UGT1A8: variants seen among roughly 807,000 people sequenced by gnomAD.
UGT1A8 encodes UDP glucuronosyltransferase family 1 member A8, also known as UDP-glucuronosyltransferase 1A8.
Under a neutral mutation model 45.3 loss-of-function variants are expected in UGT1A8, and 39 were observed. That is an observed-to-expected ratio of 0.86 (90% CI 0.67 to 1.12). The LOEUF (loss-of-function observed/expected upper bound fraction) is 1.12, where lower values mean the gene tolerates loss of function less well. Among genes scored for constraint, UGT1A8 ranks in the 50% most tolerant of loss-of-function variants. UGT1A8 has a pLI of 0.00. For missense variants in UGT1A8, 719 were observed against 664.9 expected, an observed-to-expected ratio of 1.08 and a Z score of -0.90; for synonymous variants, 275 against 249.2, an observed-to-expected ratio of 1.10 and a Z score of -0.97.
At chr2:233,679,959 CT>C (rs1218699615) in intron 1 of UGT1A8, among the ~76,000 whole-genome samples, 5 of 152,292 alleles carry the variant, frequency 3.3e-5, no homozygotes, top group African/African-American at 9.6e-5. Context: ...TTGGCTCCTG[CT>C]GGCATAGCTG....
chr2:233,772,289 C>T lies in UGT1A8; in HGVS notation c.1323C>T (p.Ser441=). Residue 441 remains serine (S), a synonymous_variant, in exon 5 of 5, where the codon TCC becomes TCT. Coordinates refer to ENST00000373450, the MANE Select transcript of UGT1A8 (RefSeq NM_019076.5). ...ACAAGGAGAACATCATGCGCCTCTC[C>T]AGCCTTCACAAGGACCGCCCGGTGG... is the stretch of plus-strand genomic sequence containing the variant. The part of the protein sequence containing the change: ...KSYKENIMRL[S]SLHKDRPVEP... The T allele has an allele frequency of 6.2e-7, 1 of 1,614,242 alleles. No homozygotes were observed. The highest frequency in any genetic ancestry group is 8.5e-7 in the Non-Finnish European group (1 of 1,180,054).
chr2:233,727,891 C>T (rs1001940161), intron 1 of UGT1A8, among the ~76,000 whole-genome samples: 27 of 152,186 alleles, frequency 1.8e-4, no homozygotes, highest in East Asian at 1.7e-3. Flanking sequence ...ATGGCAGACA[C>T]GGCCAGGCAA....
At chr2:233,759,130 A>T (rs1697062304) in intron 1 of UGT1A8, among the ~76,000 whole-genome samples, 1 of 152,244 alleles carries the variant, frequency 6.6e-6, no homozygotes, top group Non-Finnish European at 1.5e-5. Flanking sequence ...AGCCTCTGGT[A>T]CGCAATGAAG....
intron 1 of UGT1A8, among the ~76,000 whole-genome samples, chr2:233,622,639 T>C (rs1396004335): frequency 6.6e-6 from 1 of 152,198 alleles, no homozygotes; most frequent in Non-Finnish European, 1.5e-5. Context: ...CTTTGTCAGG[T>C]GGATAGATTG....
intron 1 of UGT1A8, among the ~76,000 whole-genome samples, chr2:233,696,067 T>A (rs1181513813): frequency 6.6e-6 from 1 of 152,174 alleles, no homozygotes; most frequent in Non-Finnish European, 1.5e-5. Flanking sequence ...GTACAGCCAC[T>A]ATGAAGAACA....
chr2:233,642,323 C>T lies in UGT1A8; in HGVS notation c.855+23761C>T, dbSNP rs543820800. ...GACTTTGATGCATTCTTCATTATGC[C>T]GATTGCATTTTTCAGCTCCAGAATT... On this transcript the variant is annotated intron_variant, in intron 1 of 4. Coordinates refer to ENST00000373450, the MANE Select transcript of UGT1A8 (RefSeq NM_019076.5). Among the ~76,000 whole-genome samples, 32 of 152,176 alleles carry T rather than the reference C, an allele frequency of 2.1e-4. No individual in the cohort carries two copies. The South Asian group carries it at 3.1e-3, about 15-fold the overall frequency.
intron 1 of UGT1A8, chr2:233,761,057 G>A: frequency 6.2e-7 from 1 of 1,614,206 alleles, no homozygotes. Flanking sequence ...TGGCTGTTTA[G>A]AAGTGACTTT....
chr2:233,703,922 A>G (rs2125594260), intron 1 of UGT1A8, among the ~76,000 whole-genome samples: 1 of 151,456 alleles, frequency 6.6e-6, no homozygotes, highest in East Asian at 1.9e-4. Flanking sequence ...ACAAAATCTC[A>G]TTCTGTTACC....
intron 1 of UGT1A8, chr2:233,755,429 C>T (rs1352884628): frequency 3.1e-6 from 1 of 319,032 alleles, no homozygotes; most frequent in Non-Finnish European, 6.1e-6. Flanking sequence ...CGCCTCGCAT[C>T]CCAAGATGCA....
At chr2:233,717,046 C>T (rs1379018729) in intron 1 of UGT1A8, among the ~76,000 whole-genome samples, 1 of 152,138 alleles carries the variant, frequency 6.6e-6, no homozygotes, top group African/African-American at 2.4e-5. Flanking sequence ...CATGGGCCTC[C>T]GCAGGGTCTA....
Position 233,768,343 on chromosome 2 carries a change from G to T in UGT1A8, c.1199G>T (p.Arg400Leu), listed in dbSNP as rs140613392. 1.2e-6 allele frequency: 2 copies of T among 1,614,170 alleles called. No homozygotes were observed. The highest frequency in any genetic ancestry group is 1.7e-6 in the Non-Finnish European group (2 of 1,180,042). ...LFGDQMDNAK[R>L]METKGAGVTL... is the part of the protein sequence containing the mutation. ...GGTGATCAGATGGACAATGCAAAGC[G>T]CATGGAGACTAAGGGAGCTGGAGTG... The change falls in exon 4 of 5, where the codon CGC becomes CTC. Residue 400 changes from arginine to leucine, a missense_variant. Coordinates refer to ENST00000373450, the MANE Select transcript of UGT1A8 (RefSeq NM_019076.5).
intron 1 of UGT1A8, among the ~76,000 whole-genome samples, chr2:233,734,247 T>A (rs1242167028): frequency 6.6e-6 from 1 of 152,226 alleles, no homozygotes; most frequent in Non-Finnish European, 1.5e-5. Flanking sequence ...CCTGCTTTAG[T>A]CTTGGGAGGG....
At chr2:233,655,361 C>A (rs1224652646) in intron 1 of UGT1A8, among the ~76,000 whole-genome samples, 1 of 152,144 alleles carries the variant, frequency 6.6e-6, no homozygotes. Context: ...AGTCTCACGT[C>A]CTGGGAGACT....
intron 1 of UGT1A8, chr2:233,693,337 G>T: frequency 6.2e-7 from 1 of 1,614,218 alleles, no homozygotes; most frequent in Non-Finnish European, 8.5e-7. Context: ...CTCAGACAGA[G>T]TACAGGAATA....
chr2:233,742,383 G>T (rs1224558474), intron 1 of UGT1A8, among the ~76,000 whole-genome samples: 1 of 151,994 alleles, frequency 6.6e-6, no homozygotes, highest in African/African-American at 2.4e-5. Flanking sequence ...AGGCACAGAT[G>T]GCTCATGTTA....
At chr2:233,713,098 C>T (rs2076277745) in intron 1 of UGT1A8, 2 of 1,614,198 alleles carry the variant, frequency 1.2e-6, no homozygotes, top group Non-Finnish European at 8.5e-7. Context: ...GTGGTGCCCA[C>T]TGATGGCAGC....
chr2:233,763,371 A>G (rs1027317735), intron 1 of UGT1A8, among the ~76,000 whole-genome samples: 3 of 152,180 alleles, frequency 2.0e-5, no homozygotes, highest in African/African-American at 7.2e-5. Flanking sequence ...TTTGTCTTCA[A>G]GCTTTCTTCC....
intron 1 of UGT1A8, among the ~76,000 whole-genome samples, chr2:233,630,509 G>A (rs2073168058): frequency 6.6e-6 from 1 of 152,136 alleles, no homozygotes; most frequent in Admixed American, 6.6e-5. Context: ...TGTTTGGATT[G>A]CTGTAAAGGA....
chr2:233,725,392 C>A (rs1422562370), intron 1 of UGT1A8, among the ~76,000 whole-genome samples: 1 of 151,006 alleles, frequency 6.6e-6, no homozygotes, highest in African/African-American at 2.4e-5. Flanking sequence ...TAATAGGTTA[C>A]CTTGATGGTC....
Sources: allele counts gnomAD v4.1 joint callset (sites outside exome capture counted in the v4.1 genomes callset), GRCh38; gene constraint gnomAD v4.1.1; transcripts MANE v1.5; gene names NCBI Gene and HGNC (gene_info 2026-07-23, HGNC 2026-07-21).